Variants in NME9 observed in about 807,000 individuals in gnomAD.
NME9 encodes the protein thioredoxin domain-containing protein 6.
NME9 carries 48 observed loss-of-function variants against 44.4 expected under a neutral mutation model. That is an observed-to-expected ratio of 1.08 (90% CI 0.86 to 1.37). The LOEUF (loss-of-function observed/expected upper bound fraction) is 1.37. NME9 is among the 40% of genes most tolerant of loss of function. The pLI, the probability that NME9 is intolerant of heterozygous loss-of-function variation, is 0.00. For missense variants in NME9, 325 were observed against 405.2 expected (o/e 0.80, Z 1.70); for synonymous variants, 139 against 147.1 (o/e 0.94, Z 0.40).
At position 138,308,945 on chromosome 3, in the gene NME9, G is replaced by GAAAAA. The variant is rs1002890235; in HGVS notation, c.461-2470_461-2466dup. The stretch of plus-strand genomic sequence containing the variant: ...GAATGACATTTCCAAAATACTGAAA[G>GAAAAA]AAAAAAAAAAAAAAAAAAAAAAAAC... On this transcript the variant is annotated intron_variant, in intron 6 of 10. Transcript: ENST00000333911. 5.5e-3 allele frequency among the ~76,000 whole-genome samples: 288 copies of GAAAAA among 52,034 alleles called. 7 individuals are homozygous for GAAAAA. The highest frequency in any genetic ancestry group is 0.012 in the African/African-American group (229 of 19,672). 34.1% of individuals were successfully genotyped at this position (52,034 alleles called of 152,430 possible). A position where few individuals can be genotyped will look rare whatever the true frequency, so the allele number is the denominator to read the frequency against.
rs1032564220 is a variant in NME9, at chr3:138,301,194, TCTTTA to T, written c.*441_*445del. On this transcript the variant is annotated 3_prime_UTR_variant, in exon 11 of 11. Coordinates refer to ENST00000333911, the MANE Select transcript of NME9 (RefSeq NM_001349018.2). ...GCAGAAAAGTATATACTATTCTCTT[TCTTTA>T]CTTTTTTTTTTATTATTATTATTAA... 9.5e-6 allele frequency: 8 copies of T among 839,270 alleles called. No individual in the cohort carries two copies. The Admixed American group carries it at 3.1e-4, about 33-fold the overall frequency. 52.0% of individuals were successfully genotyped at this position (839,270 alleles called of 1,614,324 possible).
chr3:138,286,464 C>T (rs1460692702), intron 8 of NME9, among the ~76,000 whole-genome samples: 7 of 152,194 alleles, frequency 4.6e-5, no homozygotes, highest in Non-Finnish European at 7.3e-5. Flanking sequence ...ATTTCCTCCT[C>T]CTGGAAATAT....
At chr3:138,309,147 T>A (rs1228171137) in intron 6 of NME9, among the ~76,000 whole-genome samples, 2 of 151,062 alleles carry the variant, frequency 1.3e-5, no homozygotes, top group African/African-American at 4.9e-5. Context: ...AAAAAAAAAA[T>A]TAGCTAGGTG....
intron 8 of NME9, among the ~76,000 whole-genome samples, chr3:138,295,083 G>A (rs1043137921): frequency 1.3e-5 from 2 of 151,974 alleles, no homozygotes; most frequent in Non-Finnish European, 2.9e-5. Context: ...ATTTTTGGTA[G>A]AAACAGGGTT....
intron 8 of NME9, chr3:138,287,521 T>G (rs2050546062): frequency 2.5e-6 from 1 of 404,358 alleles, no homozygotes; most frequent in Non-Finnish European, 5.1e-6. Context: ...AATAAACTTA[T>G]GCATAGTAAA....
intron 2 of NME9, among the ~76,000 whole-genome samples, chr3:138,320,449 G>C (rs2053392427): frequency 6.6e-6 from 1 of 152,324 alleles, no homozygotes; most frequent in African/African-American, 2.4e-5. Flanking sequence ...ATAGTCACAG[G>C]GAGATAGTGT....
chr3:138,303,663 G>T lies in NME9; in HGVS notation c.792-20C>A, dbSNP rs767057565. ...CGGAGACTGGGAACATTGGCAAAAT[G>T]TAAAAGAAACAATTGTTTCATTTGA... On this transcript the variant is annotated intron_variant, in intron 9 of 10. Coordinates refer to ENST00000333911, the MANE Select transcript of NME9 (RefSeq NM_001349018.2). The T allele has an allele frequency of 5.2e-5, 82 of 1,583,156 alleles. No homozygotes were observed. The highest frequency in any genetic ancestry group is 7.0e-5 in the Non-Finnish European group (81 of 1,158,852).
At chr3:138,320,807 G>T (rs527919753) in intron 2 of NME9, among the ~76,000 whole-genome samples, 3 of 152,268 alleles carry the variant, frequency 2.0e-5, no homozygotes, top group African/African-American at 7.2e-5. Context: ...GACCAGACCT[G>T]CCCGAGATGG....
intron 6 of NME9, among the ~76,000 whole-genome samples, chr3:138,307,772 G>A (rs2052384275): frequency 6.6e-6 from 1 of 152,154 alleles, no homozygotes; most frequent in South Asian, 2.1e-4. Context: ...CTGAGGAGAG[G>A]CCAGAGACAT....
intron 8 of NME9, among the ~76,000 whole-genome samples, chr3:138,282,878 G>C (rs2050072500): frequency 6.6e-6 from 1 of 152,122 alleles, no homozygotes; most frequent in South Asian, 2.1e-4. Flanking sequence ...TAACCAAAAA[G>C]AGTGCAGATT....
chr3:138,329,344 A>G lies in NME9; in HGVS notation c.-9T>C. 2 of 1,536,052 alleles carry G rather than the reference A, an allele frequency of 1.3e-6. No individual in the cohort carries two copies. Among genetic ancestry groups the G allele is most frequent in the Non-Finnish European group, 1.7e-6 (2 of 1,146,872 alleles). ...TTCTTCCTGCTGCCCATGGCTCTGC[A>G]AAGAAGACGAAGCCCTGTTACCGCG... On this transcript the variant is annotated 5_prime_UTR_variant, in exon 1 of 11. Transcript: ENST00000333911.
At chr3:138,284,938 T>G (rs1364860874) in intron 8 of NME9, among the ~76,000 whole-genome samples, 1 of 152,238 alleles carries the variant, frequency 6.6e-6, no homozygotes, top group Admixed American at 6.5e-5. Context: ...CCTACTGCCA[T>G]GGCCATATCC....
Position 138,301,210 on chromosome 3 carries a change from T to A in NME9, c.*430A>T, listed in dbSNP as rs1402296758. 3.7e-5 allele frequency: 25 copies of A among 679,918 alleles called. No individual in the cohort carries two copies. Among genetic ancestry groups the A allele is most frequent in the South Asian group, 6.6e-5 (1 of 15,084 alleles). 42.1% of individuals were successfully genotyped at this position (679,918 alleles called of 1,614,324 possible). A position where few individuals can be genotyped will look rare whatever the true frequency, so the allele number is the denominator to read the frequency against. On this transcript the variant is annotated 3_prime_UTR_variant, in exon 11 of 11. Coordinates refer to ENST00000333911, the MANE Select transcript of NME9 (RefSeq NM_001349018.2). ...TATTCTCTTTCTTTACTTTTTTTTT[T>A]ATTATTATTATTAAGATGGAGTCTC...
intron 8 of NME9, chr3:138,288,014 A>G (rs1044915629): frequency 6.0e-6 from 1 of 168,016 alleles, no homozygotes; most frequent in Non-Finnish European, 1.3e-5. Flanking sequence ...ATTTAGAAGA[A>G]TAGGAGGCTC....
At chr3:138,292,702 T>C (rs1400217652) in intron 8 of NME9, among the ~76,000 whole-genome samples, 1 of 152,104 alleles carries the variant, frequency 6.6e-6, no homozygotes, top group African/African-American at 2.4e-5. Context: ...AGCGTTAAGA[T>C]GCATATTAGA....
At chr3:138,282,635 C>CA (rs760470914) in intron 8 of NME9, among the ~76,000 whole-genome samples, 2,380 of 46,324 alleles carry the variant, frequency 0.051, 88 homozygotes, top group African/African-American at 0.13. Flanking sequence ...GACTCCATCT[C>CA]AAAAAAAAAA....
At chr3:138,312,855 C>T (rs972963902) in intron 6 of NME9, among the ~76,000 whole-genome samples, 1 of 152,150 alleles carries the variant, frequency 6.6e-6, no homozygotes, top group African/African-American at 2.4e-5. Flanking sequence ...CAAACTATCC[C>T]TCCGACAAGG....
chr3:138,267,245 A>G (rs1170086430), intron 8 of NME9: 2 of 1,535,418 alleles, frequency 1.3e-6, no homozygotes, highest in African/African-American at 2.7e-5. Context: ...CAAAGAGGTT[A>G]GTATTGATTT....
At chr3:138,267,175 T>A in intron 8 of NME9, 1 of 1,576,484 alleles carries the variant, frequency 6.3e-7, no homozygotes, top group Non-Finnish European at 8.6e-7. Flanking sequence ...ATGCACCAGA[T>A]GAAATCCTAG....
Sources: allele counts gnomAD v4.1 joint callset (sites outside exome capture counted in the v4.1 genomes callset), GRCh38; gene constraint gnomAD v4.1.1; transcripts MANE v1.5; gene names NCBI Gene and HGNC (gene_info 2026-07-23, HGNC 2026-07-21).